PRH1: variants seen among roughly 807,000 people sequenced by gnomAD.
PRH1 encodes the protein salivary acidic proline-rich phosphoprotein 1/2.
In PRH1, 7 loss-of-function variants were observed where a neutral mutation model predicts 7.9. That is an observed-to-expected ratio of 0.89 (90% CI 0.50 to 1.67). PRH1 has a LOEUF of 1.67. Ranked by LOEUF, PRH1 falls within the 40% of genes most tolerant of loss-of-function variation. The probability of loss-of-function intolerance (pLI) is 0.00; values close to 1 mark genes in which losing one functional copy is unlikely to be tolerated. For synonymous variants in PRH1, 45 were observed against 80.8 expected (o/e 0.56, Z 2.38); for missense variants, 109 against 223.6 (o/e 0.49, Z 3.27).
intron 2 of PRH1, among the ~76,000 whole-genome samples, chr12:10,928,963 A>G (rs556223375): frequency 6.6e-6 from 1 of 152,342 alleles, no homozygotes; most frequent in Non-Finnish European, 1.5e-5. Flanking sequence ...ATGATGTCTA[A>G]AGTTCAATCC....
At chr12:10,984,504 T>A (rs1939508226) in intron 1 of PRH1, among the ~76,000 whole-genome samples, 1 of 151,836 alleles carries the variant, frequency 6.6e-6, no homozygotes, top group Admixed American at 6.5e-5. Flanking sequence ...CCAATTTACT[T>A]GTTCATCAAA....
At chr12:11,039,972 T>C (rs572830748) in intron 1 of PRH1, among the ~76,000 whole-genome samples, 1 of 152,336 alleles carries the variant, frequency 6.6e-6, no homozygotes, top group African/African-American at 2.4e-5. Context: ...CCATTTTCAA[T>C]ATTTATCAAA....
intron 2 of PRH1, among the ~76,000 whole-genome samples, chr12:10,967,556 A>G (rs1016165444): frequency 3.3e-5 from 5 of 152,218 alleles, no homozygotes; most frequent in Non-Finnish European, 7.3e-5. Context: ...ACACAATACA[A>G]TAAAAGCTTC....
upstream of PRH1, among the ~76,000 whole-genome samples, chr12:10,884,478 GT>G (rs1350702521): frequency 2.0e-5 from 3 of 152,194 alleles, no homozygotes; most frequent in Non-Finnish European, 4.4e-5. Flanking sequence ...TTGGACAAAT[GT>G]TTTGACGGAA....
chr12:11,134,157 C>T, intron 1 of PRH1: 2 of 1,614,024 alleles, frequency 1.2e-6, no homozygotes, highest in Non-Finnish European at 1.7e-6. Context: ...ATGGAATTTA[C>T]CAATGCTATG....
intron 1 of PRH1, among the ~76,000 whole-genome samples, chr12:11,015,836 C>T (rs1941268514): frequency 1.3e-5 from 2 of 152,138 alleles, no homozygotes; most frequent in African/African-American, 4.8e-5. Context: ...ATTATTTTCT[C>T]TTATCTCCCC....
chr12:11,168,967 G>A (rs1432900686), intron 1 of PRH1, among the ~76,000 whole-genome samples: 1 of 152,206 alleles, frequency 6.6e-6, no homozygotes, highest in East Asian at 1.9e-4. Context: ...ACTGATCAGT[G>A]TCCAAAAGGA....
chr12:10,934,874 T>A (rs1335954538), intron 2 of PRH1, among the ~76,000 whole-genome samples: 1 of 152,208 alleles, frequency 6.6e-6, no homozygotes, highest in Non-Finnish European at 1.5e-5. Context: ...TTATCTAATC[T>A]CTTCACAATT....
intron 2 of PRH1, among the ~76,000 whole-genome samples, chr12:10,924,145 G>C (rs1457662341): frequency 6.6e-6 from 1 of 151,570 alleles, no homozygotes; most frequent in African/African-American, 2.4e-5. Context: ...CTGCCACCAC[G>C]CCCAGCTAAT....
chr12:11,118,062 A>G (rs562999102), downstream of PRH1, among the ~76,000 whole-genome samples: 6 of 152,308 alleles, frequency 3.9e-5, no homozygotes, highest in South Asian at 1.2e-3. Context: ...AAAATGCACA[A>G]TTGGGATCAC....
At chr12:10,996,103 G>A (rs1466144876) in intron 1 of PRH1, among the ~76,000 whole-genome samples, 1 of 151,634 alleles carries the variant, frequency 6.6e-6, no homozygotes, top group Non-Finnish European at 1.5e-5. Context: ...ATCACTTGAG[G>A]TCAAGAGTTC....
intron 1 of PRH1, among the ~76,000 whole-genome samples, chr12:11,142,822 A>G (rs1008689721): frequency 1.3e-5 from 2 of 152,210 alleles, no homozygotes; most frequent in African/African-American, 4.8e-5. Flanking sequence ...GAAGGAAAAA[A>G]CTTTTAGCCC....
chr12:10,956,557 A>AG (rs1168385248), intron 2 of PRH1, among the ~76,000 whole-genome samples: 23 of 152,234 alleles, frequency 1.5e-4, no homozygotes, highest in African/African-American at 5.5e-4. Flanking sequence ...ACAGTACTGG[A>AG]AGTCCTGGTC....
chr12:10,913,385 G>A (rs1359422849), intron 2 of PRH1, among the ~76,000 whole-genome samples: 1 of 151,956 alleles, frequency 6.6e-6, no homozygotes, highest in Non-Finnish European at 1.5e-5. Flanking sequence ...AACCTGGGAG[G>A]TGGAGCTTGC....
chr12:11,165,515 T>TAA (rs1947548407), intron 1 of PRH1, among the ~76,000 whole-genome samples: 1 of 152,220 alleles, frequency 6.6e-6, no homozygotes, highest in African/African-American at 2.4e-5. Context: ...CTGAGCATGT[T>TAA]ATTTATCTTT....
At chr12:11,117,508 C>T (rs1007064772), downstream of PRH1, among the ~76,000 whole-genome samples, 1 of 152,070 alleles carries the variant, frequency 6.6e-6, no homozygotes, top group African/African-American at 2.4e-5. Flanking sequence ...TCTACAGATT[C>T]AATGCAATTC....
At chr12:11,037,752 G>A (rs1321025951) in intron 1 of PRH1, among the ~76,000 whole-genome samples, 1 of 152,216 alleles carries the variant, frequency 6.6e-6, no homozygotes, top group Non-Finnish European at 1.5e-5. Context: ...TTTAAGAAAA[G>A]TTTTAGGTCA....
intron 1 of PRH1, among the ~76,000 whole-genome samples, chr12:11,074,214 T>TA (rs71457003): frequency 9.2e-6 from 1 of 108,150 alleles, no homozygotes; most frequent in Non-Finnish European, 2.2e-5. Context: ...TAAAGTCTAA[T>TA]TAAAAAGAGC....
intron 1 of PRH1, among the ~76,000 whole-genome samples, chr12:11,010,593 AGGTAAT>A (rs1456522075): frequency 6.6e-6 from 1 of 151,972 alleles, no homozygotes; most frequent in African/African-American, 2.4e-5. Flanking sequence ...CGCCTTAATC[AGGTAAT>A]GCCATATTCA....
Sources: allele counts gnomAD v4.1 joint callset (sites outside exome capture counted in the v4.1 genomes callset), GRCh38; gene constraint gnomAD v4.1.1; transcripts MANE v1.5; gene names NCBI Gene and HGNC (gene_info 2026-07-23, HGNC 2026-07-21).